HCN1: variants seen among roughly 807,000 people sequenced by gnomAD.
The protein encoded by HCN1 is potassium/sodium hyperpolarization-activated cyclic nucleotide-gated channel 1.
Under a neutral mutation model 78.9 loss-of-function variants are expected in HCN1, and 13 were observed. The observed-to-expected ratio is 0.16, with a 90% CI of 0.11 to 0.26. The LOEUF is 0.26. Among genes scored for constraint, HCN1 ranks in the 10% least tolerant of loss-of-function variants. The pLI, the probability that HCN1 is intolerant of heterozygous loss-of-function variation, is 1.00. For missense variants in HCN1, 810 were observed against 1,154.3 expected (o/e 0.70, Z 4.32); for synonymous variants, 552 against 455.5 (o/e 1.21, Z -2.70).
At chr5:45,375,087 T>C (rs1347973712) in intron 4 of HCN1, among the ~76,000 whole-genome samples, 1 of 122,080 alleles carries the variant, frequency 8.2e-6, no homozygotes, top group African/African-American at 3.2e-5. Context: ...TATATAATTA[T>C]ATATAATATA....
At chr5:45,430,739 G>A (rs1023474351) in intron 3 of HCN1, among the ~76,000 whole-genome samples, 3 of 151,968 alleles carry the variant, frequency 2.0e-5, no homozygotes, top group East Asian at 1.9e-4. Context: ...GGAGAATGGC[G>A]TGAACATGGG....
intron 5 of HCN1, among the ~76,000 whole-genome samples, chr5:45,335,229 C>T (rs910449799): frequency 3.3e-5 from 5 of 152,028 alleles, no homozygotes; most frequent in African/African-American, 1.2e-4. Flanking sequence ...TTGCTCTAAT[C>T]AAATCAGTAT....
At chr5:45,477,901 T>C (rs981359012) in intron 2 of HCN1, among the ~76,000 whole-genome samples, 4 of 152,174 alleles carry the variant, frequency 2.6e-5, no homozygotes, top group African/African-American at 9.7e-5. Context: ...AGTGGTTAAC[T>C]TGGAATATAT....
In HCN1 at chr5:45,695,887, G is replaced by GCCGCCA. The variant is rs1257729123; in HGVS notation, c.201_206dup (p.Gly73_Gly74dup). ...CCGGCTCCTCGCCGCCGCCGCCGCC[G>GCCGCCA]CCGCCACCGCCGCCACCGCCGTCCA... On this transcript the variant is annotated inframe_insertion, in exon 1 of 8. Coordinates refer to ENST00000303230, the MANE Select transcript of HCN1 (RefSeq NM_021072.4). 6.9e-6 allele frequency: 10 copies of GCCGCCA among 1,447,624 alleles called. No homozygotes were observed. Among genetic ancestry groups the GCCGCCA allele is most frequent in the South Asian group, 2.6e-5 (2 of 76,524 alleles). 89.7% of individuals were successfully genotyped at this position (1,447,624 alleles called of 1,614,324 possible).
intron 3 of HCN1, among the ~76,000 whole-genome samples, chr5:45,399,240 G>A (rs1443223502): frequency 2.0e-5 from 3 of 152,282 alleles, no homozygotes; most frequent in African/African-American, 7.2e-5. Context: ...GGGACACATA[G>A]CATCTAGACT....
At chr5:45,554,808 C>G (rs1007460248) in intron 2 of HCN1, among the ~76,000 whole-genome samples, 3 of 151,814 alleles carry the variant, frequency 2.0e-5, no homozygotes, top group Admixed American at 6.6e-5. Flanking sequence ...AACTTTCTAA[C>G]TTTCTTCTGT....
intron 6 of HCN1, among the ~76,000 whole-genome samples, chr5:45,277,837 ACCC>A (rs1745095518): frequency 6.6e-6 from 1 of 152,136 alleles, no homozygotes; most frequent in South Asian, 2.1e-4. Context: ...AATTAATCAT[ACCC>A]ATTGTTGGGG....
Position 45,537,523 on chromosome 5 carries a change from CTTTTTTTTTTTTTTTT to C in HCN1, c.850-75532_850-75517del, listed in dbSNP as rs71000638. Among the ~76,000 whole-genome samples, 48 of 25,772 alleles carry C rather than the reference CTTTTTTTTTTTTTTTT, an allele frequency of 1.9e-3. 1 individual carries two copies. The South Asian group carries it at 0.065, about 35-fold the overall frequency. The allele number at this position is 25,772 out of a possible 152,430, so 16.9% of individuals were successfully genotyped here. Reference sequence around the variant, plus strand: ...TCACTAATTTAAAGCAACTCTAAGTCTTTTTTTTTTTTTTTTTTTTTTTTTTTTTTTTTGAGACAGA... The same window carrying C: ...TCACTAATTTAAAGCAACTCTAAGTCTTTTTTTTTTTTTTTTTGAGACAGA... On this transcript the variant is annotated intron_variant, in intron 2 of 7. Transcript: ENST00000303230.
chr5:45,547,425 G>C (rs904637106), intron 2 of HCN1, among the ~76,000 whole-genome samples: 1 of 151,878 alleles, frequency 6.6e-6, no homozygotes, highest in African/African-American at 2.4e-5. Context: ...CTAGCGGAGA[G>C]AGTATCCATT....
intron 2 of HCN1, among the ~76,000 whole-genome samples, chr5:45,506,350 C>T (rs1445121106): frequency 2.0e-5 from 3 of 152,096 alleles, no homozygotes; most frequent in African/African-American, 7.2e-5. Flanking sequence ...ACACCATCTA[C>T]CAGATGACTC....
At chr5:45,314,671 A>C (rs1195182797) in intron 5 of HCN1, among the ~76,000 whole-genome samples, 1 of 152,170 alleles carries the variant, frequency 6.6e-6, no homozygotes, top group Non-Finnish European at 1.5e-5. Context: ...CAGGAGACCC[A>C]TCTCACATGC....
chr5:45,433,070 C>G (rs1484252974), intron 3 of HCN1, among the ~76,000 whole-genome samples: 1 of 152,044 alleles, frequency 6.6e-6, no homozygotes, highest in South Asian at 2.1e-4. Flanking sequence ...GCAATTACCT[C>G]CCACCAGGTC....
chr5:45,396,751 G>T, intron 3 of HCN1, 41 bp from the exon 4 acceptor site: 1 of 1,495,368 alleles, frequency 6.7e-7, no homozygotes, highest in Non-Finnish European at 9.3e-7. Context: ...GAGCCATTAG[G>T]ATGGCAGAAT....
At chr5:45,284,366 A>C (rs1247717862) in intron 6 of HCN1, among the ~76,000 whole-genome samples, 2 of 152,168 alleles carry the variant, frequency 1.3e-5, no homozygotes, top group Non-Finnish European at 2.9e-5. Flanking sequence ...TTTCCTAACA[A>C]ACATTTTTGA....
intron 6 of HCN1, among the ~76,000 whole-genome samples, chr5:45,279,548 G>A (rs151104782): frequency 6.6e-6 from 1 of 152,136 alleles, no homozygotes; most frequent in East Asian, 1.9e-4. Context: ...ACACATAAAA[G>A]TAACAATATA....
At chr5:45,529,396 G>A (rs904277005) in intron 2 of HCN1, among the ~76,000 whole-genome samples, 5 of 151,914 alleles carry the variant, frequency 3.3e-5, no homozygotes, top group African/African-American at 7.2e-5. Flanking sequence ...CAATTAAGAA[G>A]TAGAAACTAG....
intron 3 of HCN1, among the ~76,000 whole-genome samples, chr5:45,421,126 G>A (rs1252763097): frequency 6.6e-6 from 1 of 151,132 alleles, no homozygotes; most frequent in Non-Finnish European, 1.5e-5. Context: ...GCAGTGGTGC[G>A]ATCTCAGCTC....
In HCN1 at chr5:45,553,442, C is replaced by T. The variant is rs1392794993; in HGVS notation, c.850-91435G>A. On this transcript the variant is annotated intron_variant, in intron 2 of 7. Coordinates refer to ENST00000303230, the MANE Select transcript of HCN1 (RefSeq NM_021072.4). ...GTATACTGTTTTTCTTGTTACTCTG[C>T]CTGCTGTCAGTTTACCTTATAGACT... 2.6e-5 allele frequency among the ~76,000 whole-genome samples: 4 copies of T among 151,910 alleles called. No homozygotes were observed. In the East Asian group the frequency reaches 7.8e-4, roughly 30 times the overall value.
intron 3 of HCN1, among the ~76,000 whole-genome samples, chr5:45,403,683 G>C (rs2112047930): frequency 6.6e-6 from 1 of 152,198 alleles, no homozygotes; most frequent in Non-Finnish European, 1.5e-5. Context: ...AGATTTTGGT[G>C]GGGACACAGC....
Sources: gnomAD v4.1 joint callset for allele counts (sites outside exome capture counted in the v4.1 genomes callset) on GRCh38, gnomAD v4.1.1 for gene constraint, MANE v1.5 for transcripts, NCBI Gene and HGNC (gene_info 2026-07-23, HGNC 2026-07-21) for gene names.